POPDC1: variants seen among roughly 807,000 people sequenced by gnomAD.
POPDC1 encodes popeye domain-containing protein 1.
the POPDC1 span, chr6:105,098,422 A>T: frequency 6.6e-6 from 1 of 152,184 alleles, no homozygotes; most frequent in Non-Finnish European, 1.5e-5. Flanking sequence ...CTTCACATTG[A>T]GACACTGATA....
the POPDC1 span, among the ~76,000 whole-genome samples, chr6:105,112,982 G>A: frequency 6.6e-6 from 1 of 150,598 alleles, no homozygotes; most frequent in Non-Finnish European, 1.5e-5. Flanking sequence ...CCAGGCTTCC[G>A]TGCAGTGGCT....
At chr6:105,107,122 A>T in the POPDC1 span, among the ~76,000 whole-genome samples, 2 of 150,752 alleles carry the variant, frequency 1.3e-5, no homozygotes, top group African/African-American at 2.4e-5. Flanking sequence ...TACCCTTTCC[A>T]GCCTCTGATA....
At chr6:105,133,396 G>A in the POPDC1 span, 10 of 1,613,712 alleles carry the variant, frequency 6.2e-6, no homozygotes, top group Admixed American at 3.3e-5. Flanking sequence ...AAGGTGAAGA[G>A]TAGTTGGAAT....
chr6:105,135,136 C>T, the POPDC1 span, among the ~76,000 whole-genome samples: 1 of 152,178 alleles, frequency 6.6e-6, no homozygotes, highest in Admixed American at 6.5e-5. Context: ...CTCCCATTGT[C>T]CTGTTTGTCC....
At chr6:105,133,839 C>T in the POPDC1 span, among the ~76,000 whole-genome samples, 2 of 152,080 alleles carry the variant, frequency 1.3e-5, no homozygotes, top group Non-Finnish European at 2.9e-5. Flanking sequence ...AAATACTTAG[C>T]ATAGTGCAAA....
At chr6:105,136,120 G>C in the POPDC1 span, 3 of 151,186 alleles carry the variant, frequency 2.0e-5, no homozygotes, top group Non-Finnish European at 4.5e-5. Flanking sequence ...AACTGCAAAC[G>C]AGCGTCTTGC....
the POPDC1 span, among the ~76,000 whole-genome samples, chr6:105,107,424 G>A: frequency 1.6e-4 from 25 of 152,220 alleles, no homozygotes; most frequent in Non-Finnish European, 2.9e-5. Context: ...GGAAGTAAAA[G>A]TAAACAGACA....
the POPDC1 span, among the ~76,000 whole-genome samples, chr6:105,134,952 C>T: frequency 1.3e-5 from 2 of 152,086 alleles, no homozygotes; most frequent in South Asian, 4.1e-4. Flanking sequence ...TTTAATAACT[C>T]CATTTATACA....
At chr6:105,126,730 AT>A in the POPDC1 span, among the ~76,000 whole-genome samples, 1 of 152,270 alleles carries the variant, frequency 6.6e-6, no homozygotes, top group Non-Finnish European at 1.5e-5. Context: ...TAACACATAC[AT>A]TAAGCATTTT....
the POPDC1 span, among the ~76,000 whole-genome samples, chr6:105,114,771 A>G: frequency 6.6e-6 from 1 of 152,238 alleles, no homozygotes; most frequent in Non-Finnish European, 1.5e-5. Context: ...AATCTAAACT[A>G]TGGAAGAATA....
chr6:105,117,218 A>T, the POPDC1 span, among the ~76,000 whole-genome samples: 2 of 152,242 alleles, frequency 1.3e-5, no homozygotes, highest in African/African-American at 4.8e-5. Context: ...ATTTCTTTAC[A>T]CCCTGTACAT....
chr6:105,132,627 A>C, the POPDC1 span, among the ~76,000 whole-genome samples: 12 of 152,206 alleles, frequency 7.9e-5, no homozygotes, highest in African/African-American at 2.9e-4. Context: ...TAAAAAATGC[A>C]CCTGAATAAA....
At chr6:105,128,975 TAC>T in the POPDC1 span, among the ~76,000 whole-genome samples, 26 of 152,296 alleles carry the variant, frequency 1.7e-4, no homozygotes, top group African/African-American at 6.3e-4. Flanking sequence ...TAGAAAAATA[TAC>T]AGTTATTACA....
chr6:105,113,580 T>G, the POPDC1 span, among the ~76,000 whole-genome samples: 7 of 152,332 alleles, frequency 4.6e-5, no homozygotes, highest in African/African-American at 1.7e-4. Context: ...ACTGTCTTCC[T>G]TCTGCAGTTA....
chr6:105,135,668 A>G, the POPDC1 span, among the ~76,000 whole-genome samples: 1 of 152,174 alleles, frequency 6.6e-6, no homozygotes, highest in African/African-American at 2.4e-5. Context: ...AGCAGTTTTT[A>G]GAAGGTACGG....
chr6:105,106,792 T>TAA, the POPDC1 span, among the ~76,000 whole-genome samples: 450 of 151,774 alleles, frequency 3.0e-3, 4 homozygotes, highest in Non-Finnish European at 5.0e-3. Context: ...CAGAAGGCCT[T>TAA]AAAAACCTTT....
chr6:105,115,758 T>C, the POPDC1 span: 2 of 1,614,180 alleles, frequency 1.2e-6, no homozygotes, highest in South Asian at 2.2e-5. Flanking sequence ...GAGCTGGCTA[T>C]ACTGTTCCTC....
the POPDC1 span, among the ~76,000 whole-genome samples, chr6:105,128,372 C>A: frequency 6.6e-6 from 1 of 152,154 alleles, no homozygotes; most frequent in East Asian, 1.9e-4. Context: ...AGTACTTTTT[C>A]TTCTGCCATG....
chr6:105,110,479 T>G, the POPDC1 span, among the ~76,000 whole-genome samples: 840 of 152,284 alleles, frequency 5.5e-3, 8 homozygotes, highest in African/African-American at 0.019. Context: ...AAACACAAAT[T>G]GAGCTGAACA....
Sources: gnomAD v4.1 joint callset for allele counts (sites outside exome capture counted in the v4.1 genomes callset) on GRCh38, gnomAD v4.1.1 for gene constraint, MANE v1.5 for transcripts, NCBI Gene and HGNC (gene_info 2026-07-23, HGNC 2026-07-21) for gene names.